The following DNAJC6 variants were observed in gnomAD, a reference collection of about 807,000 sequenced individuals.
DNAJC6 encodes DnaJ heat shock protein family (Hsp40) member C6, also known as auxilin.
Under a neutral mutation model 110.0 loss-of-function variants are expected in DNAJC6, and 34 were observed. The ratio of observed to expected loss-of-function variants is 0.31; its 90% CI spans 0.24 to 0.41. The LOEUF is 0.41. Ranked by LOEUF, DNAJC6 falls within the 10% of genes least tolerant of loss-of-function variation. The pLI is 1.00. For synonymous variants in DNAJC6, 406 were observed against 437.2 expected (o/e 0.93, Z 0.89); for missense variants, 1,031 against 1,207.8 (o/e 0.85, Z 2.17).
intron 5 of DNAJC6, among the ~76,000 whole-genome samples, chr1:65,380,921 G>GTTTTTTTTTTTTTTTTTTTTTT (rs1162044500): frequency 3.0e-5 from 3 of 99,356 alleles, no homozygotes; most frequent in African/African-American, 1.6e-4. Context: ...GTTTTGTTTT[G>GTTTTTTTTTTTTTTTTTTTTTT]TTTTTTTTTT....
At chr1:65,386,743 A>G in intron 7 of DNAJC6, 69 bp from the exon 8 acceptor site, 3 of 1,323,178 alleles carry the variant, frequency 2.3e-6, no homozygotes, top group Non-Finnish European at 3.3e-6. Context: ...ATAGAGAACT[A>G]TACCTGTGTC....
chr1:65,266,245 T>C (rs1653326402), intron 1 of DNAJC6, among the ~76,000 whole-genome samples: 1 of 151,252 alleles, frequency 6.6e-6, no homozygotes, highest in Non-Finnish European at 1.5e-5. Flanking sequence ...TGGTGGGCAA[T>C]GATATATACA....
At chr1:65,351,945 T>C (rs1363507181) in intron 1 of DNAJC6, among the ~76,000 whole-genome samples, 2 of 152,096 alleles carry the variant, frequency 1.3e-5, no homozygotes, top group African/African-American at 4.8e-5. Context: ...TTTGTGTTTT[T>C]AGTAGAGACG....
chr1:65,410,011 G>A (rs1221847849), intron 17 of DNAJC6, among the ~76,000 whole-genome samples: 1 of 152,172 alleles, frequency 6.6e-6, no homozygotes, highest in Non-Finnish European at 1.5e-5. Flanking sequence ...CTGGGAAACA[G>A]AGGGTGGTTC....
At chr1:65,324,023 A>T (rs547062343) in intron 1 of DNAJC6, among the ~76,000 whole-genome samples, 8 of 152,350 alleles carry the variant, frequency 5.3e-5, no homozygotes, top group African/African-American at 1.7e-4. Flanking sequence ...GCTGTGCTGA[A>T]GTTCAAGTGA....
intron 12 of DNAJC6, among the ~76,000 whole-genome samples, chr1:65,393,511 C>A (rs1329263368): frequency 6.6e-6 from 1 of 152,174 alleles, no homozygotes; most frequent in Non-Finnish European, 1.5e-5. Flanking sequence ...GTGACTCATG[C>A]CGGAAGCACA....
chr1:65,365,843 T>C, intron 2 of DNAJC6, 42 bp from the exon 3 acceptor site: 1 of 1,601,076 alleles, frequency 6.2e-7, no homozygotes, highest in Non-Finnish European at 8.5e-7. Context: ...CTTGGCATAT[T>C]TGGATCATTT....
At position 65,297,724 on chromosome 1, in the gene DNAJC6, T is replaced by C. The variant is rs141281407; in HGVS notation, c.-131+32792T>C. On this transcript the variant is annotated intron_variant, in intron 1 of 19. Transcript: ENST00000263441. ...GACTGCCCATGTAGGACTAATAAAT[T>C]AGCTGCAAGATTGGAAATGTAGGTT... Among the ~76,000 whole-genome samples the C allele has an allele frequency of 2.4e-3, 358 of 152,326 alleles. 1 individual carries two copies. Among genetic ancestry groups the C allele is most frequent in the African/African-American group, 8.0e-3 (333 of 41,576 alleles).
intron 17 of DNAJC6, among the ~76,000 whole-genome samples, chr1:65,409,610 C>G (rs910503647): frequency 2.2e-4 from 33 of 152,146 alleles, no homozygotes; most frequent in Non-Finnish European, 3.4e-4. Context: ...CCCCCAGGAT[C>G]TTTTCTCTAC....
At chr1:65,272,389 C>A (rs1374952993) in intron 1 of DNAJC6, among the ~76,000 whole-genome samples, 2 of 152,198 alleles carry the variant, frequency 1.3e-5, no homozygotes, top group East Asian at 1.9e-4. Flanking sequence ...TTGGAACAAA[C>A]AACTTCGTTG....
At chr1:65,307,006 C>G (rs866834444), upstream of DNAJC6, among the ~76,000 whole-genome samples, 1 of 98,810 alleles carries the variant, frequency 1.0e-5, no homozygotes. Flanking sequence ...CTCTCTCTCT[C>G]TCTCTCTCTC....
chr1:65,289,628 C>G (rs1333946893), intron 1 of DNAJC6, among the ~76,000 whole-genome samples: 1 of 152,062 alleles, frequency 6.6e-6, no homozygotes, highest in African/African-American at 2.4e-5. Flanking sequence ...TTGTGAGAGG[C>G]CTGATTATGA....
At position 65,365,907 on chromosome 1, in the gene DNAJC6, T is replaced by C; in HGVS notation, c.367T>C (p.Phe123Leu). Reference protein sequence around the residue: ...VTSYTKGDLDFTYVTSRIIVM... With the variant: ...VTSYTKGDLDLTYVTSRIIVM... ...TAGCTACACAAAGGGAGATTTAGAC[T>C]TCACTTATGTTACCTCCAGAATTAT... Residue 123 changes from phenylalanine to leucine, a missense_variant, in exon 3 of 19, where the codon TTC (phenylalanine) becomes CTC (leucine). Physicochemically the swap from Phe to Leu is conservative, Grantham distance 22 (BLOSUM62 0). Coordinates refer to ENST00000371069, the MANE Select transcript of DNAJC6 (RefSeq NM_001256864.2). The C allele has an allele frequency of 6.2e-7, 1 of 1,613,582 alleles. No individual in the cohort carries two copies. The highest frequency in any genetic ancestry group is 8.5e-7 in the Non-Finnish European group (1 of 1,179,684).
chr1:65,278,876 C>A, intron 1 of DNAJC6: 1 of 783,920 alleles, frequency 1.3e-6, no homozygotes, highest in Non-Finnish European at 1.5e-6. Flanking sequence ...GGGGAAGAAT[C>A]TGGCATGCGC....
intron 4 of DNAJC6, among the ~76,000 whole-genome samples, chr1:65,378,260 T>C (rs1645785669): frequency 8.6e-6 from 1 of 115,864 alleles, no homozygotes; most frequent in Admixed American, 8.3e-5. Flanking sequence ...TTTGGAAATG[T>C]AGATCTGAGA....
At chr1:65,265,255 T>A (rs1413138723) in intron 1 of DNAJC6, among the ~76,000 whole-genome samples, 2 of 152,224 alleles carry the variant, frequency 1.3e-5, no homozygotes, top group Non-Finnish European at 2.9e-5. Context: ...TAATTTTATT[T>A]TGGGGGTGTT....
intron 1 of DNAJC6, among the ~76,000 whole-genome samples, chr1:65,299,976 C>T (rs764959519): frequency 1.2e-4 from 17 of 143,994 alleles, no homozygotes; most frequent in South Asian, 2.2e-4. Flanking sequence ...TGCTTGAACC[C>T]GGGAGGTGAG....
intron 1 of DNAJC6, among the ~76,000 whole-genome samples, chr1:65,339,250 G>C (rs1398699358): frequency 6.6e-6 from 1 of 152,192 alleles, no homozygotes; most frequent in Non-Finnish European, 1.5e-5. Flanking sequence ...GCACTGAAAG[G>C]TTTAAGCTGC....
chr1:65,389,519 G>A, intron 10 of DNAJC6, 28 bp from the exon 11 acceptor site: 1 of 1,613,894 alleles, frequency 6.2e-7, no homozygotes, highest in Non-Finnish European at 8.5e-7. Context: ...GTGTCTCATT[G>A]ATGCTACATG....
Sources: gnomAD v4.1 joint callset for allele counts (sites outside exome capture counted in the v4.1 genomes callset) on GRCh38, gnomAD v4.1.1 for gene constraint, MANE v1.5 for transcripts, NCBI Gene and HGNC (gene_info 2026-07-23, HGNC 2026-07-21) for gene names.